ZNF385D: variants seen among roughly 807,000 people sequenced by gnomAD.
ZNF385D encodes the protein zinc finger protein 659.
In ZNF385D, 15 loss-of-function variants were observed where a neutral mutation model predicts 35.8. The observed-to-expected ratio is 0.42, with a 90% confidence interval of 0.28 to 0.64. The LOEUF is 0.64. Ranked by LOEUF, ZNF385D falls within the 30% of genes least tolerant of loss-of-function variation. ZNF385D has a pLI of 0.23. For missense variants in ZNF385D, 474 were observed against 494.6 expected (o/e 0.96, Z 0.39); for synonymous variants, 212 against 186.8 (o/e 1.13, Z -1.10).
At chr3:22,182,064 T>C (rs1356998682) in intron 2 of ZNF385D, among the ~76,000 whole-genome samples, 1 of 152,192 alleles carries the variant, frequency 6.6e-6, no homozygotes, top group Non-Finnish European at 1.5e-5. Flanking sequence ...TATATCTTTA[T>C]TGTAGCCTGG....
intron 2 of ZNF385D, among the ~76,000 whole-genome samples, chr3:22,225,213 C>T (rs1698481249): frequency 1.3e-5 from 2 of 152,052 alleles, no homozygotes; most frequent in African/African-American, 4.8e-5. Flanking sequence ...GAAAAGATAA[C>T]GTGTAAACTG....
At chr3:21,794,060 T>G (rs2072040585) in intron 3 of ZNF385D, among the ~76,000 whole-genome samples, 3 of 152,128 alleles carry the variant, frequency 2.0e-5, no homozygotes, top group Admixed American at 1.3e-4. Context: ...GCACAAAGAA[T>G]GACCAGGGAT....
rs1035977777 is a variant in ZNF385D, at chr3:21,425,489, T to C, written c.852+3A>G. ...TTTCATTCCTAGAATACGTGCTGTT[T>C]ACCTGTTTAAGTTGCGTTTCCGAGT... is the stretch of plus-strand genomic sequence containing the variant. On this transcript the variant is annotated splice_donor_region_variant and intron_variant, in intron 6 of 7. Transcript: ENST00000281523. 1 of 1,591,374 alleles carries C rather than the reference T, an allele frequency of 6.3e-7. No homozygotes were observed. Among genetic ancestry groups the C allele is most frequent in the South Asian group, 1.1e-5 (1 of 87,572 alleles).
chr3:22,142,565 T>G (rs1236951026), intron 3 of ZNF385D, among the ~76,000 whole-genome samples: 1 of 152,042 alleles, frequency 6.6e-6, no homozygotes, highest in Non-Finnish European at 1.5e-5. Flanking sequence ...AGCTGCTCTC[T>G]CCTTCCTCCT....
At chr3:22,300,982 A>G (rs1431441347) in intron 2 of ZNF385D, among the ~76,000 whole-genome samples, 1 of 152,082 alleles carries the variant, frequency 6.6e-6, no homozygotes, top group Non-Finnish European at 1.5e-5. Context: ...AGACATCTGT[A>G]TTCCCATGTT....
chr3:21,841,953 C>A (rs1016715732), intron 3 of ZNF385D, among the ~76,000 whole-genome samples: 2 of 151,264 alleles, frequency 1.3e-5, no homozygotes, highest in African/African-American at 4.9e-5. Flanking sequence ...TACACACATA[C>A]ACAAACACAC....
At chr3:22,112,446 G>C (rs1404861778) in intron 3 of ZNF385D, among the ~76,000 whole-genome samples, 1 of 151,956 alleles carries the variant, frequency 6.6e-6, no homozygotes, top group Non-Finnish European at 1.5e-5. Flanking sequence ...TGACAGCGGT[G>C]GGTGACAGCA....
intron 3 of ZNF385D, among the ~76,000 whole-genome samples, chr3:21,905,205 C>CAAAAAA (rs63147760): frequency 3.4e-3 from 234 of 69,612 alleles, no homozygotes; most frequent in African/African-American, 8.0e-3. Context: ...ACAAAAAATC[C>CAAAAAA]AAAAAAAAAA....
rs150961948 is a variant in ZNF385D, at chr3:21,638,248, C to T, written c.165+26638G>A. ...CCATGAATCTTATGTTTCTGCACTT[C>T]TGAGAAAAGGGCCTTGACAGCATTG... On this transcript the variant is annotated intron_variant, in intron 2 of 7. Transcript: ENST00000281523. 3.7e-4 allele frequency among the ~76,000 whole-genome samples: 57 copies of T among 152,136 alleles called. 1 individual carries two copies. In the East Asian group the frequency reaches 0.01, roughly 27 times the overall value.
At chr3:22,014,906 C>A (rs1379521856) in intron 3 of ZNF385D, among the ~76,000 whole-genome samples, 1 of 151,990 alleles carries the variant, frequency 6.6e-6, no homozygotes, top group Non-Finnish European at 1.5e-5. Context: ...TACAAATTAA[C>A]GTGGAAACTG....
chr3:21,945,128 GTA>G (rs1388227921), intron 3 of ZNF385D, among the ~76,000 whole-genome samples: 1 of 148,726 alleles, frequency 6.7e-6, no homozygotes, highest in Non-Finnish European at 1.5e-5. Context: ...ATACGTGTGT[GTA>G]TATATATGTA....
chr3:21,885,179 G>GA (rs1698478272), intron 3 of ZNF385D, among the ~76,000 whole-genome samples: 1 of 152,050 alleles, frequency 6.6e-6, no homozygotes, highest in Non-Finnish European at 1.5e-5. Flanking sequence ...GAGAATAGCA[G>GA]AAAAAACAAA....
At chr3:21,724,657 G>T (rs1211739491) in intron 1 of ZNF385D, among the ~76,000 whole-genome samples, 1 of 151,830 alleles carries the variant, frequency 6.6e-6, no homozygotes, top group Non-Finnish European at 1.5e-5. Flanking sequence ...TACGCACCCA[G>T]GACAGGAGCA....
At chr3:21,979,328 C>T (rs896967101) in intron 3 of ZNF385D, among the ~76,000 whole-genome samples, 1 of 152,112 alleles carries the variant, frequency 6.6e-6, no homozygotes, top group Non-Finnish European at 1.5e-5. Context: ...TTAATCATAA[C>T]CATATACTAT....
At chr3:22,360,860 G>T (rs892560042) in intron 2 of ZNF385D, among the ~76,000 whole-genome samples, 1 of 151,920 alleles carries the variant, frequency 6.6e-6, no homozygotes, top group African/African-American at 2.4e-5. Context: ...TATTAATCGG[G>T]GCGATCACTC....
chr3:21,896,542 G>A (rs1280507570), intron 3 of ZNF385D, among the ~76,000 whole-genome samples: 2 of 152,004 alleles, frequency 1.3e-5, no homozygotes, highest in Non-Finnish European at 2.9e-5. Context: ...TTTTCCCCCT[G>A]GTATATTTTT....
chr3:21,755,494 G>A (rs1239420159), upstream of ZNF385D, among the ~76,000 whole-genome samples: 1 of 152,080 alleles, frequency 6.6e-6, no homozygotes, highest in Non-Finnish European at 1.5e-5. Flanking sequence ...CCTTTCACCT[G>A]CTCTCTCTAC....
rs549799385 is a variant in ZNF385D at position 21,866,151 on chromosome 3, G to C, written c.326-201123C>G. Among the ~76,000 whole-genome samples, 12 of 150,646 alleles carry C rather than the reference G, an allele frequency of 8.0e-5. No homozygotes were observed. The South Asian group carries it at 2.3e-3, about 29-fold the overall frequency. ...AGTTTTATTTTGATTTTATAAATCT[G>C]GTATTAAAAAAAAACACTGGGCTGG... On this transcript the variant is annotated intron_variant, in intron 3 of 5. Coordinates refer to the ZNF385D transcript ENST00000494108.
At position 21,516,200 on chromosome 3, in the gene ZNF385D, A is replaced by G. The variant is rs939580652; in HGVS notation, c.277-5177T>C. Among the ~76,000 whole-genome samples the G allele has an allele frequency of 3.9e-5, 6 of 152,286 alleles. No individual in the cohort carries two copies. The South Asian group carries it at 1.2e-3, about 32-fold the overall frequency. On this transcript the variant is annotated intron_variant, in intron 3 of 7. Transcript: ENST00000281523. The stretch of plus-strand genomic sequence containing the variant: ...TTTGGAGAGACTAATTTGAGTGATA[A>G]CTTGAGTTCTCCCACATGTCCAGCC...
Sources: gnomAD v4.1 joint callset for allele counts (sites outside exome capture counted in the v4.1 genomes callset) on GRCh38, gnomAD v4.1.1 for gene constraint, MANE v1.5 for transcripts, NCBI Gene and HGNC (gene_info 2026-07-23, HGNC 2026-07-21) for gene names.